SPMAP2L: variants seen among roughly 807,000 people sequenced by gnomAD.
SPMAP2L encodes sperm microtubule associated protein 2 like.
At chr4:56,541,211 AACG>A in the SPMAP2L span, among the ~76,000 whole-genome samples, 17 of 152,352 alleles carry the variant, frequency 1.1e-4, no homozygotes, top group East Asian at 3.3e-3. Flanking sequence ...TCTTGAATAT[AACG>A]ACATTTAAAT....
the SPMAP2L span, among the ~76,000 whole-genome samples, chr4:56,571,413 T>C: frequency 2.7e-5 from 4 of 150,878 alleles, no homozygotes; most frequent in African/African-American, 9.7e-5. Context: ...CCTGGGCTCA[T>C]GCGATCCTCC....
At chr4:56,551,619 G>C in the SPMAP2L span, among the ~76,000 whole-genome samples, 1 of 152,044 alleles carries the variant, frequency 6.6e-6, no homozygotes, top group Non-Finnish European at 1.5e-5. Flanking sequence ...TTCTAAAGAT[G>C]GTAGACCAAA....
At chr4:56,612,310 TAATA>T in the SPMAP2L span, among the ~76,000 whole-genome samples, 1 of 152,218 alleles carries the variant, frequency 6.6e-6, no homozygotes, top group South Asian at 2.1e-4. Flanking sequence ...ATGGACATGT[TAATA>T]TATACTAAAA....
chr4:56,530,675 G>T, the SPMAP2L span: 5 of 1,533,106 alleles, frequency 3.3e-6, no homozygotes, highest in African/African-American at 1.4e-5. Flanking sequence ...CTTCTGGCGC[G>T]AATGGAGAAC....
chr4:56,607,841 T>A, the SPMAP2L span, among the ~76,000 whole-genome samples: 1 of 151,564 alleles, frequency 6.6e-6, no homozygotes, highest in African/African-American at 2.4e-5. Context: ...AAATGTTTTT[T>A]AAAAAACTAG....
chr4:56,574,933 T>C, the SPMAP2L span, among the ~76,000 whole-genome samples: 1 of 149,128 alleles, frequency 6.7e-6, no homozygotes, highest in African/African-American at 2.5e-5. Flanking sequence ...AGTGAGCCCG[T>C]GTATGATCCT....
chr4:56,559,255 C>A, the SPMAP2L span: 1 of 726,030 alleles, frequency 1.4e-6, no homozygotes, highest in Non-Finnish European at 1.9e-6. Context: ...GAGCCGAGAT[C>A]GAGCCACTGC....
chr4:56,560,125 C>A, the SPMAP2L span, among the ~76,000 whole-genome samples: 15 of 152,234 alleles, frequency 9.9e-5, no homozygotes, highest in South Asian at 2.9e-3. Flanking sequence ...ATTAGGAAGA[C>A]ATCTCTTCAA....
At chr4:56,599,792 C>A in the SPMAP2L span, among the ~76,000 whole-genome samples, 1 of 152,114 alleles carries the variant, frequency 6.6e-6, no homozygotes, top group Non-Finnish European at 1.5e-5. Flanking sequence ...TTTTCTTTAT[C>A]CAGTCTATCA....
chr4:56,603,877 C>T, the SPMAP2L span, among the ~76,000 whole-genome samples: 1 of 152,110 alleles, frequency 6.6e-6, no homozygotes, highest in African/African-American at 2.4e-5. Context: ...AACAGGTTAC[C>T]TTAATGATGA....
chr4:56,549,431 C>G, the SPMAP2L span, among the ~76,000 whole-genome samples: 1 of 152,174 alleles, frequency 6.6e-6, no homozygotes, highest in Non-Finnish European at 1.5e-5. Flanking sequence ...TTCAACGTAT[C>G]CCAATCTCCC....
At chr4:56,585,206 A>G in the SPMAP2L span, among the ~76,000 whole-genome samples, 1 of 152,210 alleles carries the variant, frequency 6.6e-6, no homozygotes, top group Non-Finnish European at 1.5e-5. Flanking sequence ...AATTTTCACT[A>G]TAATTCACCC....
chr4:56,582,799 A>G, the SPMAP2L span, among the ~76,000 whole-genome samples: 1 of 152,218 alleles, frequency 6.6e-6, no homozygotes, highest in South Asian at 2.1e-4. Flanking sequence ...ATAGCCAAAA[A>G]CTGGCAACAA....
At chr4:56,576,890 CT>C in the SPMAP2L span, among the ~76,000 whole-genome samples, 1 of 152,092 alleles carries the variant, frequency 6.6e-6, no homozygotes, top group Non-Finnish European at 1.5e-5. Flanking sequence ...ACATTTTGTA[CT>C]TTTTTAAGTT....
At chr4:56,584,651 T>C in the SPMAP2L span, 6 of 1,316,308 alleles carry the variant, frequency 4.6e-6, no homozygotes, top group Admixed American at 1.2e-4. Flanking sequence ...CCTGATTGAC[T>C]TGTAACATGC....
chr4:56,593,156 G>A, the SPMAP2L span: 2 of 1,566,522 alleles, frequency 1.3e-6, no homozygotes, highest in South Asian at 2.2e-5. Flanking sequence ...ATACCAGCCT[G>A]AGGTGTCTCA....
At chr4:56,551,785 A>C in the SPMAP2L span, among the ~76,000 whole-genome samples, 2 of 152,136 alleles carry the variant, frequency 1.3e-5, no homozygotes, top group Non-Finnish European at 2.9e-5. Context: ...TAACACAATA[A>C]AAGTTTATTT....
At chr4:56,578,050 A>G in the SPMAP2L span, among the ~76,000 whole-genome samples, 3 of 152,348 alleles carry the variant, frequency 2.0e-5, no homozygotes, top group African/African-American at 7.2e-5. Flanking sequence ...ACATAGGTAA[A>G]TATAGAATGT....
chr4:56,576,809 G>A, the SPMAP2L span, among the ~76,000 whole-genome samples: 7 of 152,094 alleles, frequency 4.6e-5, no homozygotes, highest in Admixed American at 3.3e-4. Context: ...TATAAACAAA[G>A]GAATACTTTA....
Sources: allele counts gnomAD v4.1 joint callset (sites outside exome capture counted in the v4.1 genomes callset), GRCh38; gene constraint gnomAD v4.1.1; transcripts MANE v1.5; gene names NCBI Gene and HGNC (gene_info 2026-07-23, HGNC 2026-07-21).